Variants in ANK2 observed in about 807,000 individuals in gnomAD.
The protein encoded by ANK2 is ankyrin 2.
A neutral mutation model predicts 360.5 loss-of-function variants in ANK2; 83 were observed. The observed-to-expected ratio is 0.23, with a 90% CI of 0.19 to 0.28. The LOEUF (loss-of-function observed/expected upper bound fraction) is 0.28, where lower values mean the gene tolerates loss of function less well. ANK2 is among the 10% of genes least tolerant of loss of function. The pLI is 1.00. For synonymous variants in ANK2, 1,740 were observed against 1,759.5 expected (o/e 0.99, Z 0.28); for missense variants, 4,201 against 4,795.7 (o/e 0.88, Z 3.66).
At chr4:112,775,309 G>A in the ANK2 span, among the ~76,000 whole-genome samples, 3 of 151,946 alleles carry the variant, frequency 2.0e-5, no homozygotes, top group East Asian at 3.9e-4. Flanking sequence ...ACTTGAGGTC[G>A]GAAGTTCGAG....
At chr4:113,142,401 C>T (rs1006553216) in intron 1 of ANK2, among the ~76,000 whole-genome samples, 6 of 152,098 alleles carry the variant, frequency 3.9e-5, no homozygotes, top group African/African-American at 7.2e-5. Flanking sequence ...ATCTGATCGT[C>T]GGCAAAGTTT....
At chr4:112,961,569 C>A (rs118185685) in intron 2 of ANK2, among the ~76,000 whole-genome samples, 1 of 152,052 alleles carries the variant, frequency 6.6e-6, no homozygotes, top group Admixed American at 6.6e-5. Context: ...TTGACTTTAA[C>A]GTGCATACCA....
intron 2 of ANK2, among the ~76,000 whole-genome samples, chr4:112,992,716 G>A (rs2047230264): frequency 6.6e-6 from 1 of 152,094 alleles, no homozygotes; most frequent in Non-Finnish European, 1.5e-5. Flanking sequence ...CATCAAGAGG[G>A]CTCCACCCTC....
At chr4:113,018,277 C>G (rs1579143487) in intron 2 of ANK2, among the ~76,000 whole-genome samples, 1 of 152,126 alleles carries the variant, frequency 6.6e-6, no homozygotes, top group East Asian at 1.9e-4. Flanking sequence ...GAAATTAAGT[C>G]TATCATGGAG....
At chr4:112,779,848 C>A in the ANK2 span, among the ~76,000 whole-genome samples, 2 of 152,162 alleles carry the variant, frequency 1.3e-5, no homozygotes, top group African/African-American at 4.8e-5. Flanking sequence ...GGGTTTCTTG[C>A]AGGGCATCAT....
the ANK2 span, among the ~76,000 whole-genome samples, chr4:112,809,502 A>G: frequency 6.8e-6 from 1 of 146,780 alleles, no homozygotes; most frequent in East Asian, 2.1e-4. Flanking sequence ...CGGAGGTTGC[A>G]GTGAGCCGAG....
In ANK2 at chr4:113,255,920, C is replaced by A; in HGVS notation, c.1176C>A (p.Asn392Lys). ...TTTTAGACAAGAGAGCCAATCCGAA[C>A]GCCAGAGCCCTGGTAAACTTGGCCC... ...KLLLDKRANP[N>K]ARALNGFTPL... The change falls in exon 11 of 46, where the codon AAC becomes AAA. Residue 392 changes from asparagine (N) to lysine (K), a missense_variant. Physicochemically the swap from Asn to Lys is moderately conservative, Grantham distance 94 (BLOSUM62 0). Around this residue, in one of 4 missense-constraint regions of ANK2, gnomAD observed 1,268 missense variants for 1,650.8 expected, o/e 0.77. Transcript: ENST00000357077. 3 of 1,614,150 alleles carry A rather than the reference C, an allele frequency of 1.9e-6. 1 individual carries two copies. Among genetic ancestry groups the A allele is most frequent in the South Asian group, 2.2e-5 (2 of 91,084 alleles).
chr4:113,228,318 T>C (rs778871198), intron 4 of ANK2, among the ~76,000 whole-genome samples: 8 of 152,186 alleles, frequency 5.3e-5, no homozygotes, highest in Non-Finnish European at 1.2e-4. Flanking sequence ...CAATTTGTAG[T>C]CTTTATCACT....
rs3025731 is a variant in ANK2, at chr4:113,265,014, A to G, written c.1485+19A>G. ...AGCCAGGGTAGGTACTGGTGCCCTG[A>G]GGTTCTCTTCTATCGCAGCGCATGA... On this transcript the variant is annotated intron_variant, in intron 14 of 45. Transcript: ENST00000357077. 1.3e-5 allele frequency: 20 copies of G among 1,552,034 alleles called. No homozygotes were observed. Among genetic ancestry groups the G allele is most frequent in the Non-Finnish European group, 1.7e-5 (20 of 1,146,352 alleles).
At chr4:113,167,376 T>G (rs549639435) in intron 1 of ANK2, among the ~76,000 whole-genome samples, 1 of 151,834 alleles carries the variant, frequency 6.6e-6, no homozygotes, top group African/African-American at 2.4e-5. Flanking sequence ...CTTGGCTCAC[T>G]GCAACCTCTG....
At chr4:113,343,549 C>G (rs2094509101) in intron 34 of ANK2, among the ~76,000 whole-genome samples, 1 of 152,142 alleles carries the variant, frequency 6.6e-6, no homozygotes, top group Non-Finnish European at 1.5e-5. Flanking sequence ...TCTCAAAAGA[C>G]CCAGCATCTC....
chr4:112,808,722 C>CCTTCTCAATAGTGCTATA, the ANK2 span, among the ~76,000 whole-genome samples: 4 of 152,074 alleles, frequency 2.6e-5, no homozygotes, highest in African/African-American at 9.7e-5. Flanking sequence ...TTGAGCACTA[C>CCTTCTCAATAGTGCTATA]ATAGGCTATA....
At chr4:112,950,726 T>C (rs1287510289) in intron 2 of ANK2, among the ~76,000 whole-genome samples, 1 of 151,794 alleles carries the variant, frequency 6.6e-6, no homozygotes, top group African/African-American at 2.4e-5. Context: ...ATTATCATTC[T>C]TGGAGGTAAA....
intron 1 of ANK2, among the ~76,000 whole-genome samples, chr4:113,079,046 A>G (rs530745937): frequency 2.5e-4 from 38 of 152,302 alleles, no homozygotes; most frequent in Non-Finnish European, 5.0e-4. Context: ...CTTGCTCCCA[A>G]AATTCTTAGA....
chr4:112,882,879 C>T (rs916423295), intron 1 of ANK2, among the ~76,000 whole-genome samples: 2 of 151,920 alleles, frequency 1.3e-5, no homozygotes, highest in Non-Finnish European at 2.9e-5. Context: ...CCTTTATTAG[C>T]TTGTAACAAA....
intron 5 of ANK2, among the ~76,000 whole-genome samples, chr4:113,234,107 T>C (rs1450831239): frequency 6.6e-6 from 1 of 152,220 alleles, no homozygotes; most frequent in Non-Finnish European, 1.5e-5. Context: ...ATTTACCAAA[T>C]AGACTTAAGG....
At chr4:112,773,793 T>C in the ANK2 span, among the ~76,000 whole-genome samples, 1 of 151,912 alleles carries the variant, frequency 6.6e-6, no homozygotes, top group African/African-American at 2.4e-5. Flanking sequence ...TTTTATTTTA[T>C]TTTATTTTAA....
At chr4:112,765,655 C>T in the ANK2 span, among the ~76,000 whole-genome samples, 1 of 142,556 alleles carries the variant, frequency 7.0e-6, no homozygotes, top group African/African-American at 2.7e-5. Context: ...TCCCCCCTCC[C>T]CCGCTTTTTT....
At chr4:112,788,218 G>A in the ANK2 span, 4 of 1,590,318 alleles carry the variant, frequency 2.5e-6, no homozygotes, top group Non-Finnish European at 3.4e-6. Context: ...AATTGGTCCT[G>A]ATAGCTTCCA....
Sources: gnomAD v4.1 joint callset for allele counts (sites outside exome capture counted in the v4.1 genomes callset) on GRCh38, gnomAD v4.1.1 for gene constraint, gnomAD v4.1.1 regional missense constraint, MANE v1.5 for transcripts, NCBI Gene and HGNC (gene_info 2026-07-23, HGNC 2026-07-21) for gene names.